Variants in DCC observed in about 807,000 individuals in gnomAD.
DCC encodes DCC netrin 1 receptor.
DCC carries 58 observed loss-of-function variants against 172.5 expected under a neutral mutation model. The observed-to-expected ratio is 0.34, with a 90% CI of 0.27 to 0.42. The LOEUF (loss-of-function observed/expected upper bound fraction) is 0.42, where lower values mean the gene tolerates loss of function less well. DCC is among the 10% of genes least tolerant of loss of function. The pLI, the probability that DCC is intolerant of heterozygous loss-of-function variation, is 1.00. For synonymous variants in DCC, 709 were observed against 644.5 expected (o/e 1.10, Z -1.52); for missense variants, 1,740 against 1,791.0 (o/e 0.97, Z 0.51).
At chr18:53,358,855 A>G (rs966447971) in intron 15 of DCC, among the ~76,000 whole-genome samples, 1 of 152,124 alleles carries the variant, frequency 6.6e-6, no homozygotes, top group Non-Finnish European at 1.5e-5. Flanking sequence ...TAGGCTACCA[A>G]AGACCTATGT....
chr18:53,280,532 G>A (rs1340971269), intron 12 of DCC, among the ~76,000 whole-genome samples: 3 of 152,054 alleles, frequency 2.0e-5, no homozygotes, highest in Admixed American at 6.6e-5. Flanking sequence ...ATGCTCTGGA[G>A]TTACTGGGTG....
chr18:52,867,703 G>A (rs1221138950), intron 2 of DCC, among the ~76,000 whole-genome samples: 1 of 152,032 alleles, frequency 6.6e-6, no homozygotes, highest in Non-Finnish European at 1.5e-5. Flanking sequence ...ATGGTATTTT[G>A]TATTTCTGTG....
At chr18:53,005,396 A>G (rs543092481) in intron 5 of DCC, among the ~76,000 whole-genome samples, 4 of 152,300 alleles carry the variant, frequency 2.6e-5, no homozygotes, top group East Asian at 1.9e-4. Flanking sequence ...GTCAGGTAAC[A>G]CACTGATAAA....
At chr18:52,660,637 C>T (rs1003037923) in intron 1 of DCC, among the ~76,000 whole-genome samples, 3 of 152,136 alleles carry the variant, frequency 2.0e-5, no homozygotes, top group Admixed American at 6.6e-5. Flanking sequence ...TCTTAACTTT[C>T]GAATTACAGA....
intron 12 of DCC, among the ~76,000 whole-genome samples, chr18:53,231,832 A>G (rs1035993782): frequency 4.6e-5 from 7 of 152,074 alleles, no homozygotes; most frequent in Non-Finnish European, 7.4e-5. Flanking sequence ...AAACAGAATC[A>G]CCAAAAATGT....
At chr18:52,624,738 C>T (rs543724577) in intron 1 of DCC, among the ~76,000 whole-genome samples, 5 of 152,202 alleles carry the variant, frequency 3.3e-5, no homozygotes, top group Non-Finnish European at 7.3e-5. Flanking sequence ...TGCACTTCTG[C>T]TATGCAATGA....
chr18:53,222,383 CTTTTTTTTTTTTT>C (rs67373546), intron 12 of DCC, among the ~76,000 whole-genome samples: 1 of 104,216 alleles, frequency 9.6e-6, no homozygotes, highest in African/African-American at 4.2e-5. Flanking sequence ...TTTCTTTTTT[CTTTTTTTTTTTTT>C]TTTTTTGAAA....
intron 2 of DCC, among the ~76,000 whole-genome samples, chr18:52,875,313 T>C (rs2039387349): frequency 6.6e-6 from 1 of 152,002 alleles, no homozygotes; most frequent in African/African-American, 2.4e-5. Context: ...TAATTAAAAA[T>C]TATCTTCTCT....
chr18:53,329,025 TA>T (rs2053068802), intron 14 of DCC, among the ~76,000 whole-genome samples: 3 of 152,174 alleles, frequency 2.0e-5, no homozygotes, highest in African/African-American at 7.2e-5. Context: ...CAGTACATCT[TA>T]AAAGCCCATC....
At chr18:52,688,149 G>A (rs1316355020) in intron 1 of DCC, among the ~76,000 whole-genome samples, 2 of 144,554 alleles carry the variant, frequency 1.4e-5, no homozygotes, top group African/African-American at 5.1e-5. Flanking sequence ...TTGGTATATT[G>A]TATAATTAAC....
chr18:53,330,038 G>T (rs1385049822), intron 14 of DCC, among the ~76,000 whole-genome samples: 2 of 152,176 alleles, frequency 1.3e-5, no homozygotes, highest in Non-Finnish European at 2.9e-5. Flanking sequence ...CATCAAACTA[G>T]TTGACAGTGG....
rs866569181 is a variant in DCC, at chr18:53,066,074, T to C, written c.1169T>C (p.Val390Ala). The C allele has an allele frequency of 2.0e-5, 32 of 1,613,142 alleles. No homozygotes were observed. Among genetic ancestry groups the C allele is most frequent in the Non-Finnish European group, 2.5e-5 (29 of 1,179,606 alleles). Residue 390 changes from valine (V) to alanine (A), a missense_variant, in exon 7 of 29, where the codon GTG becomes GCG. This residue lies in a region of DCC where 1,732 missense variants were observed against 1,767.4 expected (regional missense o/e 0.98). Coordinates refer to ENST00000442544, the MANE Select transcript of DCC (RefSeq NM_005215.4). ...GGAAGCAACTTACGGATACTTGGGG[T>C]GGTGAAGTCAGATGAAGGCTTTTAT... Reference protein sequence around the residue: ...VGGSNLRILGVVKSDEGFYQC... With the variant: ...VGGSNLRILGAVKSDEGFYQC...
At chr18:52,963,828 G>GTTTTTTTTTTTTTT (rs199927780) in intron 5 of DCC, among the ~76,000 whole-genome samples, 1 of 145,634 alleles carries the variant, frequency 6.9e-6, no homozygotes. Context: ...ATTATCTCTA[G>GTTTTTTTTTTTTTT]TTTTTTTTTT....
chr18:52,705,618 C>T (rs2036194784), intron 1 of DCC, among the ~76,000 whole-genome samples: 1 of 152,034 alleles, frequency 6.6e-6, no homozygotes, highest in Admixed American at 6.6e-5. Context: ...TGGACTGTGT[C>T]CAGTAGAAAA....
intron 1 of DCC, among the ~76,000 whole-genome samples, chr18:52,677,136 C>T (rs544421613): frequency 8.5e-5 from 13 of 152,174 alleles, no homozygotes; most frequent in South Asian, 4.1e-4. Flanking sequence ...AATTATGAAA[C>T]GGGCCTTAAT....
intron 5 of DCC, among the ~76,000 whole-genome samples, chr18:52,991,724 A>G (rs1276534789): frequency 1.3e-5 from 2 of 152,148 alleles, no homozygotes; most frequent in Non-Finnish European, 2.9e-5. Flanking sequence ...TTTTATCTTT[A>G]TGGTAACATT....
At chr18:52,543,162 A>G (rs1762535316) in intron 1 of DCC, among the ~76,000 whole-genome samples, 1 of 152,226 alleles carries the variant, frequency 6.6e-6, no homozygotes, top group South Asian at 2.1e-4. Flanking sequence ...GAAAATAAGA[A>G]TGTGAACAGA....
At chr18:52,940,386 A>G (rs1280255235) in intron 5 of DCC, among the ~76,000 whole-genome samples, 1 of 152,122 alleles carries the variant, frequency 6.6e-6, no homozygotes, top group African/African-American at 2.4e-5. Flanking sequence ...GACCACTTTC[A>G]CTCAAATTCT....
intron 5 of DCC, among the ~76,000 whole-genome samples, chr18:52,948,451 A>T (rs2040584611): frequency 6.6e-6 from 1 of 152,176 alleles, no homozygotes; most frequent in Non-Finnish European, 1.5e-5. Flanking sequence ...TTTATTGAAC[A>T]TTAGCTATAT....
Sources: gnomAD v4.1 joint callset for allele counts (sites outside exome capture counted in the v4.1 genomes callset) on GRCh38, gnomAD v4.1.1 for gene constraint, gnomAD v4.1.1 regional missense constraint, MANE v1.5 for transcripts, NCBI Gene and HGNC (gene_info 2026-07-23, HGNC 2026-07-21) for gene names.